ANGEL1: variants seen among roughly 807,000 people sequenced by gnomAD.
The protein encoded by ANGEL1 is RNA 2',3'-cyclic phosphatase ANGEL1.
ANGEL1 carries 62 observed loss-of-function variants against 76.4 expected under a neutral mutation model. The observed-to-expected ratio is 0.81, with a 90% CI of 0.66 to 1.00. The LOEUF is 1.00. Ranked by LOEUF, ANGEL1 falls within the 50% of genes least tolerant of loss-of-function variation. The pLI, the probability that ANGEL1 is intolerant of heterozygous loss-of-function variation, is 0.00. For synonymous variants in ANGEL1, 340 were observed against 331.7 expected (o/e 1.03, Z -0.27); for missense variants, 737 against 836.7 (o/e 0.88, Z 1.47).
chr14:76,807,998 T>C lies in ANGEL1; in HGVS notation c.800A>G (p.His267Arg). The C allele has an allele frequency of 1.2e-6, 2 of 1,614,160 alleles. No individual in the cohort carries two copies. Among genetic ancestry groups the C allele is most frequent in the South Asian group, 1.1e-5 (1 of 91,084 alleles). The change falls in exon 3 of 10, where the codon CAT becomes CGT. Residue 267 changes from histidine to arginine, a missense_variant. His to Arg is a conservative substitution (Grantham distance 29, BLOSUM62 0). Around this residue, in one of 2 missense-constraint regions of ANGEL1, gnomAD observed 441 missense variants for 449.5 expected, o/e 0.98. Transcript: ENST00000251089. ...CCAATTGAGGATGTCTGGATGGCAATGTAGATAGAGCTCTGAGCTCTGCTG... is the reference window on the plus strand; with the variant it reads ...CCAATTGAGGATGTCTGGATGGCAACGTAGATAGAGCTCTGAGCTCTGCTG... ...LMQQSSELYL[H>R]CHPDILNWNY...
chr14:76,793,805 C>A (rs1242365351), intron 7 of ANGEL1, among the ~76,000 whole-genome samples: 1 of 151,568 alleles, frequency 6.6e-6, no homozygotes, highest in Non-Finnish European at 1.5e-5. Flanking sequence ...CCTAAACATA[C>A]CTATGATAAA....
intron 7 of ANGEL1, among the ~76,000 whole-genome samples, chr14:76,802,180 T>A (rs1038306172): frequency 3.3e-5 from 5 of 151,738 alleles, no homozygotes; most frequent in African/African-American, 7.3e-5. Flanking sequence ...CAAAAAAAAA[T>A]AAAATAAAAT....
intron 7 of ANGEL1, among the ~76,000 whole-genome samples, chr14:76,801,181 G>C (rs1894753564): frequency 6.6e-6 from 1 of 151,528 alleles, no homozygotes; most frequent in Non-Finnish European, 1.5e-5. Context: ...TACGAACATG[G>C]CTCACTGCAG....
At chr14:76,804,563 G>T in intron 5 of ANGEL1, 1 of 552,180 alleles carries the variant, frequency 1.8e-6, no homozygotes, top group Non-Finnish European at 2.3e-6. Context: ...GCTGGGGATA[G>T]AGCAGCAATA....
chr14:76,812,517 G>A, intron 1 of ANGEL1: 1 of 1,241,760 alleles, frequency 8.1e-7, no homozygotes, highest in Non-Finnish European at 1.0e-6. Context: ...CCTTAACCGC[G>A]GCCGGACGCC....
intron 8 of ANGEL1, 42 bp from the exon 9 acceptor site, chr14:76,790,816 T>A: frequency 2.0e-6 from 3 of 1,517,672 alleles, no homozygotes; most frequent in Non-Finnish European, 2.7e-6. Flanking sequence ...CAAAAATTAC[T>A]AAATTTTCCC....
At chr14:76,809,692 C>G (rs1895029325) in intron 1 of ANGEL1, 49 bp from the exon 2 acceptor site, 1 of 1,474,462 alleles carries the variant, frequency 6.8e-7, no homozygotes, top group African/African-American at 1.4e-5. Context: ...ATCCAACCCA[C>G]ACTATTCTCC....
At chr14:76,789,694 ATTT>A (rs1319022832) in intron 9 of ANGEL1, among the ~76,000 whole-genome samples, 5 of 135,704 alleles carry the variant, frequency 3.7e-5, no homozygotes, top group African/African-American at 2.7e-5. Context: ...ATAAAATCTG[ATTT>A]TTTTTTTTTT....
chr14:76,812,834 C>G lies in ANGEL1; in HGVS notation c.-7G>C, dbSNP rs1895134706. On this transcript the variant is annotated 5_prime_UTR_variant, in exon 1 of 10. Transcript: ENST00000251089. ...ACAAGCACGACGCGATCATGGCCGG[C>G]CGCCCGCGCCCGCCTCCGCTCCTCA... is the stretch of plus-strand genomic sequence containing the variant. 1.3e-6 allele frequency: 2 copies of G among 1,507,004 alleles called. No homozygotes were observed. Among genetic ancestry groups the G allele is most frequent in the East Asian group, 2.6e-5 (1 of 37,896 alleles). 93.4% of individuals were successfully genotyped at this position (1,507,004 alleles called of 1,614,324 possible).
intron 7 of ANGEL1, among the ~76,000 whole-genome samples, chr14:76,795,982 GCTTT>G (rs1358429387): frequency 6.6e-6 from 1 of 151,658 alleles, no homozygotes; most frequent in African/African-American, 2.4e-5. Flanking sequence ...CTTTCCTTTT[GCTTT>G]CTTTCAGTTT....
intron 7 of ANGEL1, among the ~76,000 whole-genome samples, chr14:76,794,342 T>C (rs1049286097): frequency 6.6e-6 from 1 of 152,166 alleles, no homozygotes; most frequent in African/African-American, 2.4e-5. Context: ...TACGAACAAC[T>C]TCACGCCAAT....
At chr14:76,804,397 G>C in intron 5 of ANGEL1, 1 of 1,005,954 alleles carries the variant, frequency 9.9e-7, no homozygotes, top group African/African-American at 1.7e-5. Flanking sequence ...ACCATCCTCG[G>C]TCAAAGCCAA....
Position 76,807,705 on chromosome 14 carries a change from G to T in ANGEL1, c.877-203C>A, listed in dbSNP as rs368947025. 1.3e-4 allele frequency among the ~76,000 whole-genome samples: 20 copies of T among 152,164 alleles called. 1 individual carries two copies. Among genetic ancestry groups the T allele is most frequent in the Admixed American group, 1.2e-3 (18 of 15,278 alleles). ...TTTTCCTGCTCCTTGAATCCCTCAA[G>T]CCTCCCTTCCTGCATAAAGGTGCTG... On this transcript the variant is annotated intron_variant, in intron 3 of 9. Transcript: ENST00000251089.
At chr14:76,793,508 G>T (rs576968445) in intron 7 of ANGEL1, among the ~76,000 whole-genome samples, 2 of 149,642 alleles carry the variant, frequency 1.3e-5, no homozygotes, top group African/African-American at 4.9e-5. Context: ...AAAAAGGAAA[G>T]GAAAGATTTG....
chr14:76,810,406 A>C (rs1361541705), intron 1 of ANGEL1, among the ~76,000 whole-genome samples: 1 of 151,746 alleles, frequency 6.6e-6, no homozygotes, highest in Admixed American at 6.6e-5. Context: ...AGACAAAGTG[A>C]GACCTCATCT....
At chr14:76,805,342 TGGCA>T (rs938742767) in intron 5 of ANGEL1, among the ~76,000 whole-genome samples, 1 of 152,232 alleles carries the variant, frequency 6.6e-6, no homozygotes, top group African/African-American at 2.4e-5. Flanking sequence ...GCCTGTCATG[TGGCA>T]GGCAGTCAGT....
chr14:76,808,915 T>C, intron 2 of ANGEL1, 144 bp downstream of exon 2: 1 of 776,088 alleles, frequency 1.3e-6, no homozygotes, highest in Non-Finnish European at 2.0e-6. Flanking sequence ...GTAAGGACCC[T>C]CTAGATCTGA....
intron 1 of ANGEL1, chr14:76,810,177 A>T (rs1895041487): frequency 2.2e-6 from 1 of 454,536 alleles, no homozygotes; most frequent in South Asian, 1.6e-5. Flanking sequence ...GCACTTTGGG[A>T]GGCAGAGACA....
rs751782952 is a variant in ANGEL1 at position 76,806,537 on chromosome 14, A to C, written c.1259T>G (p.Leu420Arg). 1.9e-6 allele frequency: 3 copies of C among 1,614,202 alleles called. No homozygotes were observed. The East Asian group carries it at 6.7e-5, about 36-fold the overall frequency. ...GATGGGGCAGTGGCTGCCATCTGAC[A>C]GTCTGGCCACCTTGTCCACTTCCGC... is the stretch of plus-strand genomic sequence containing the variant. ...LLAEVDKVAR[L>R]SDGSHCPIIL... Residue 420 changes from leucine (L) to arginine (R), a missense_variant, in exon 5 of 10, where the codon CTG (leucine) becomes CGG (arginine). Coordinates refer to ENST00000251089, the MANE Select transcript of ANGEL1 (RefSeq NM_015305.4).
Sources: allele counts gnomAD v4.1 joint callset (sites outside exome capture counted in the v4.1 genomes callset), GRCh38; gene constraint gnomAD v4.1.1; regional missense constraint gnomAD v4.1.1; transcripts MANE v1.5; gene names NCBI Gene and HGNC (gene_info 2026-07-23, HGNC 2026-07-21).